EIF2B5: variants seen among roughly 807,000 people sequenced by gnomAD.
EIF2B5 encodes eukaryotic translation initiation factor 2B subunit epsilon, also known as translation initiation factor eIF2B subunit epsilon.
In EIF2B5, 38 loss-of-function variants were observed where a neutral mutation model predicts 87.3. The ratio of observed to expected loss-of-function variants is 0.44; its 90% CI spans 0.34 to 0.57. The LOEUF (loss-of-function observed/expected upper bound fraction) is 0.57. EIF2B5 is among the 20% of genes least tolerant of loss of function. EIF2B5 has a pLI of 0.02. For synonymous variants in EIF2B5, 313 were observed against 339.6 expected, an observed-to-expected ratio of 0.92 and a Z score of 0.86; for missense variants, 784 against 909.5, an observed-to-expected ratio of 0.86 and a Z score of 1.78.
intron 12 of EIF2B5, 141 bp downstream of exon 12, chr3:184,143,283 CATT>C (rs1318376328): frequency 6.9e-7 from 1 of 1,450,560 alleles, no homozygotes; most frequent in African/African-American, 1.4e-5. Flanking sequence ...GCAAGGAGAG[CATT>C]ATTAAGTTCT....
chr3:184,140,916 T>TG (rs1713606819), intron 7 of EIF2B5, 186 bp downstream of exon 7: 2 of 678,194 alleles, frequency 2.9e-6, no homozygotes, highest in Non-Finnish European at 5.0e-6. Context: ...TTGTAGCCTG[T>TG]GGGCCTCTCA....
rs932617318 is a variant in EIF2B5, at chr3:184,142,129, A to G, written c.1302+59A>G. ...AATTGCATGGCAGTCACACTGAGCC[A>G]GAAGGGGCATTATTTCCACCCATAA... On this transcript the variant is annotated intron_variant, in intron 8 of 15. Coordinates refer to ENST00000648915, the MANE Select transcript of EIF2B5 (RefSeq NM_003907.3). This position sits in a 1 kb window ranked among gnomAD's most constrained non-coding sequence, Gnocchi z 5.0. 1.4e-5 allele frequency: 23 copies of G among 1,613,976 alleles called. No homozygotes were observed. Among genetic ancestry groups the G allele is most frequent in the Admixed American group, 1.0e-4 (6 of 59,996 alleles).
At chr3:184,141,350 C>CT (rs1167553338) in intron 7 of EIF2B5, among the ~76,000 whole-genome samples, 1 of 152,216 alleles carries the variant, frequency 6.6e-6, no homozygotes, top group East Asian at 1.9e-4. Context: ...GGGAGGATCG[C>CT]TTGAGCCCAG....
Position 184,136,734 on chromosome 3 carries a change from A to T in EIF2B5, c.318A>T (p.Leu106Phe), listed in dbSNP as rs113994048. The T allele has an allele frequency of 9.9e-6, 16 of 1,614,074 alleles. No individual in the cohort carries two copies. In the Admixed American group the frequency reaches 2.7e-4, roughly 27 times the overall value. The change falls in exon 2 of 16, where the codon TTA becomes TTT. Residue 106 changes from leucine (L) to phenylalanine (F), a missense_variant and splice_region_variant. Physicochemically the swap from Leu to Phe is conservative, Grantham distance 22. This residue lies in a region of EIF2B5 where 660 missense variants were observed against 789.5 expected (regional missense o/e 0.84). Coordinates refer to ENST00000648915, the MANE Select transcript of EIF2B5 (RefSeq NM_003907.3). The part of the protein sequence containing the change: ...CWKAAQIKEH[L>F]LKSKWCRPTS... ...AAGCTGCTCAAATCAAAGAACATTT[A>T]CTGTAAGGCCCTGCAACTTTTCTTT... is the stretch of plus-strand genomic sequence containing the variant.
rs1401639769 is a variant in EIF2B5 at position 184,142,051 on chromosome 3, G to A, written c.1283G>A (p.Arg428His). 2.5e-6 allele frequency: 4 copies of A among 1,614,152 alleles called. No individual in the cohort carries two copies. The highest frequency in any genetic ancestry group is 1.1e-5 in the South Asian group (1 of 91,074). Residue 428 changes from arginine to histidine, a missense_variant, in exon 8 of 16, where the codon CGC becomes CAC. Around this residue, in one of 3 missense-constraint regions of EIF2B5, gnomAD observed 660 missense variants for 789.5 expected, o/e 0.84. Coordinates refer to ENST00000648915, the MANE Select transcript of EIF2B5 (RefSeq NM_003907.3). The surrounding 1 kb of genome is among the most constrained non-coding windows in gnomAD (Gnocchi z 5.0). ...AAGGAACGAGTGACACTGAAACCAC[G>A]CTCTGTCCTCACTTCCCAGGTGAGA... is the stretch of plus-strand genomic sequence containing the variant. ...EVKERVTLKP[R>H]SVLTSQVVVG...
Position 184,144,978 on chromosome 3 carries a change from T to C in EIF2B5, c.*35T>C, listed in dbSNP as rs1340486907. ...GCCTGCTCCTTTGGGTGTGATTGAG[T>C]GCCCTCCTGGCTCCTGGGCTGGGAC... On this transcript the variant is annotated 3_prime_UTR_variant, in exon 16 of 16. Coordinates refer to ENST00000648915, the MANE Select transcript of EIF2B5 (RefSeq NM_003907.3). 6.2e-7 allele frequency: 1 copy of C among 1,604,912 alleles called. No homozygotes were observed. Among genetic ancestry groups the C allele is most frequent in the Admixed American group, 1.7e-5 (1 of 59,854 alleles).
Position 184,143,434 on chromosome 3 carries a change from C to A in EIF2B5, c.1746-8C>A, listed in dbSNP as rs1230072502. On this transcript the variant is annotated splice_polypyrimidine_tract_variant and splice_region_variant and intron_variant, in intron 12 of 15. Transcript: ENST00000648915. ...GAAGGCCCTGGTGTCACCCCAGTCT[C>A]CCCACAGGTATGCCTATAACATAAG... 6.2e-7 allele frequency: 1 copy of A among 1,614,154 alleles called. No individual in the cohort carries two copies. Among genetic ancestry groups the A allele is most frequent in the Non-Finnish European group, 8.5e-7 (1 of 1,180,022 alleles).
chr3:184,137,282 T>C (rs1407993130), intron 2 of EIF2B5: 3 of 419,240 alleles, frequency 7.2e-6, no homozygotes, highest in Non-Finnish European at 1.3e-5. Flanking sequence ...TTATATGGAT[T>C]GCAGAAGGGG....
chr3:184,138,279 AAG>A (rs1432047893), intron 5 of EIF2B5, 33 bp downstream of exon 5: 1 of 1,567,110 alleles, frequency 6.4e-7, no homozygotes, highest in Admixed American at 1.7e-5. Context: ...TGCACACCCA[AAG>A]AGTAGAACTC....
chr3:184,143,323 TA>T, intron 12 of EIF2B5, 118 bp from the exon 13 acceptor site: 1 of 1,570,736 alleles, frequency 6.4e-7, no homozygotes, highest in Non-Finnish European at 8.7e-7. Flanking sequence ...TTCTCCTTCC[TA>T]AACCCTCCCC....
rs747962005 is a variant in EIF2B5 at position 184,142,082 on chromosome 3, T to A, written c.1302+12T>A. ...TCCTCACTTCCCAGGTGAGACCTGA[T>A]CTATACTGTGCACAGGCCCTGAATT... On this transcript the variant is annotated intron_variant, in intron 8 of 15. Transcript: ENST00000648915. This position sits in a 1 kb window ranked among gnomAD's most constrained non-coding sequence, Gnocchi z 5.0. 1 of 1,614,092 alleles carries A rather than the reference T, an allele frequency of 6.2e-7. No homozygotes were observed.
chr3:184,138,287 A>C, intron 5 of EIF2B5, 41 bp downstream of exon 5: 1 of 1,527,532 alleles, frequency 6.5e-7, no homozygotes. Flanking sequence ...CAAAGAGTAG[A>C]ACTCTGTGGG....
Position 184,140,465 on chromosome 3 carries a change from T to G in EIF2B5, c.891T>G (p.Gly297=). 6.2e-7 allele frequency: 1 copy of G among 1,614,088 alleles called. No homozygotes were observed. The highest frequency in any genetic ancestry group is 1.7e-5 in the Admixed American group (1 of 60,008). ...TGCACGTAACAGCTAAGGAATATGG[T>G]GCCCGTGTCTCCAACCTACACATGT... ...IHMHVTAKEY[G]ARVSNLHMYS... The change falls in exon 7 of 16, where the codon GGT becomes GGG. Residue 297 remains glycine (G), a synonymous_variant. Coordinates refer to ENST00000648915, the MANE Select transcript of EIF2B5 (RefSeq NM_003907.3).
Position 184,145,018 on chromosome 3 carries a change from C to A in EIF2B5, c.*75C>A. 1 of 1,385,558 alleles carries A rather than the reference C, an allele frequency of 7.2e-7. No individual in the cohort carries two copies. The highest frequency in any genetic ancestry group is 1.0e-6 in the Non-Finnish European group (1 of 979,746). 85.8% of individuals were successfully genotyped at this position (1,385,558 alleles called of 1,614,324 possible). A position where few individuals can be genotyped will look rare whatever the true frequency, so the allele number is the denominator to read the frequency against. On this transcript the variant is annotated 3_prime_UTR_variant, in exon 16 of 16. Transcript: ENST00000648915. This position sits in a 1 kb window ranked among gnomAD's most constrained non-coding sequence, Gnocchi z 4.0. ...TGGGCTGGGACAAGTGAGGAACTAG[C>A]TGCAGAGGGATGAGTGACCACCATC...
chr3:184,138,243 T>C lies in EIF2B5; in HGVS notation c.762T>C (p.Pro254=), dbSNP rs1192507994. 5.0e-6 allele frequency: 8 copies of C among 1,613,602 alleles called. No homozygotes were observed. The highest frequency in any genetic ancestry group is 1.3e-5 in the African/African-American group (1 of 74,922). Residue 254 remains proline, a synonymous_variant, in exon 5 of 16, where the codon CCT becomes CCC. Transcript: ENST00000648915. ...LLDCHISICS[P]QVAQLFTDNF... ...ATTGTCATATCAGCATCTGTTCTCC[T>C]CAGGTGAGCTCTTTAGGGCTGGGGC...
At chr3:184,140,754 C>G (rs1401905287) in intron 7 of EIF2B5, 24 bp downstream of exon 7, 1 of 1,613,108 alleles carries the variant, frequency 6.2e-7, no homozygotes, top group African/African-American at 1.3e-5. Flanking sequence ...GGGAATCAAG[C>G]CAACTATCCT....
At chr3:184,143,627 A>T in intron 13 of EIF2B5, 62 bp downstream of exon 13, 1 of 1,612,352 alleles carries the variant, frequency 6.2e-7, no homozygotes, top group South Asian at 1.1e-5. Context: ...TCAGGAGTAG[A>T]CTGTCTTGTT....
At chr3:184,135,718 G>A (rs1272161355) in intron 1 of EIF2B5, 138 bp downstream of exon 1, 1 of 1,252,290 alleles carries the variant, frequency 8.0e-7, no homozygotes, top group Non-Finnish European at 1.1e-6. Flanking sequence ...GATGCAGAGG[G>A]ACTGTCTAAA....
intron 2 of EIF2B5, 21 bp downstream of exon 2, chr3:184,136,757 T>C (rs765813754): frequency 3.1e-6 from 5 of 1,614,080 alleles, no homozygotes; most frequent in Admixed American, 1.7e-5. Context: ...GCAACTTTTC[T>C]TTCCATGTTT....
Sources: allele counts gnomAD v4.1 joint callset (sites outside exome capture counted in the v4.1 genomes callset), GRCh38; gene constraint gnomAD v4.1.1; regional missense constraint gnomAD v4.1.1; non-coding constraint Gnocchi (gnomAD v3.1); transcripts MANE v1.5; gene names NCBI Gene and HGNC (gene_info 2026-07-23, HGNC 2026-07-21).